The following TPD52L2 variants were observed in gnomAD, a reference collection of about 807,000 sequenced individuals.
The protein encoded by TPD52L2 is TPD52 like 2, also known as tumor protein D54.
A neutral mutation model predicts 24.7 loss-of-function variants in TPD52L2; 19 were observed. The ratio of observed to expected loss-of-function variants is 0.77; its 90% CI spans 0.54 to 1.13. The LOEUF is 1.13. TPD52L2 is among the 50% of genes most tolerant of loss of function. The pLI, the probability that TPD52L2 is intolerant of heterozygous loss-of-function variation, is 0.00. For synonymous variants in TPD52L2, 104 were observed against 100.2 expected (o/e 1.04, Z -0.23); for missense variants, 236 against 250.4 (o/e 0.94, Z 0.39).
At chr20:63,887,279 ACTTTT>A in intron 5 of TPD52L2, 1 of 558,454 alleles carries the variant, frequency 1.8e-6, no homozygotes, top group South Asian at 2.0e-5. Flanking sequence ...TGTACCAAAT[ACTTTT>A]CAAAAGCCCA....
intron 5 of TPD52L2, among the ~76,000 whole-genome samples, chr20:63,883,703 T>TA (rs1352993871): frequency 6.6e-6 from 1 of 151,972 alleles, no homozygotes; most frequent in Non-Finnish European, 1.5e-5. Context: ...CAAAGATGGG[T>TA]GCAGGCTTCC....
chr20:63,886,664 T>A (rs1335828371), intron 5 of TPD52L2, among the ~76,000 whole-genome samples: 1 of 149,200 alleles, frequency 6.7e-6, no homozygotes, highest in East Asian at 2.0e-4. Flanking sequence ...TTTCTTTTTT[T>A]TGTTGGAGTC....
chr20:63,877,647 C>G lies in TPD52L2; in HGVS notation c.374+1772C>G, dbSNP rs1282504224. On this transcript the variant is annotated intron_variant, in intron 4 of 6. Coordinates refer to ENST00000346249, the MANE Select transcript of TPD52L2 (RefSeq NM_003288.4). This position sits in a 1 kb window ranked among gnomAD's most constrained non-coding sequence, Gnocchi z 4.1. Reference sequence around the variant, plus strand: ...GAGACTTCAGTGCTGTTTTGTAAAACCAACTGACATAAAGCTGCCGGGATC... The same window carrying G: ...GAGACTTCAGTGCTGTTTTGTAAAAGCAACTGACATAAAGCTGCCGGGATC... Among the ~76,000 whole-genome samples, 4 of 152,254 alleles carry G rather than the reference C, an allele frequency of 2.6e-5. No individual in the cohort carries two copies. The highest frequency in any genetic ancestry group is 9.6e-5 in the African/African-American group (4 of 41,472).
At position 63,882,708 on chromosome 20, in the gene TPD52L2, G is replaced by A. The variant is rs1199805985; in HGVS notation, c.375-11G>A. 1 of 1,611,498 alleles carries A rather than the reference G, an allele frequency of 6.2e-7. No homozygotes were observed. The highest frequency in any genetic ancestry group is 1.3e-5 in the African/African-American group (1 of 74,866). On this transcript the variant is annotated splice_polypyrimidine_tract_variant and intron_variant, in intron 4 of 6. Transcript: ENST00000346249. The stretch of plus-strand genomic sequence containing the variant: ...ATGCTGTCTGGTTGATTTAACTGGT[G>A]TGTCTTCCAGCTACAAGAAGACTCA...
intron 3 of TPD52L2, among the ~76,000 whole-genome samples, chr20:63,875,150 A>ATATATAT (rs1360259821): frequency 4.2e-4 from 60 of 144,452 alleles, no homozygotes; most frequent in Non-Finnish European, 8.1e-4. Context: ...TCAAAAAAAA[A>ATATATAT]AAATATATAT....
chr20:63,871,478 T>A (rs963315616), intron 2 of TPD52L2, among the ~76,000 whole-genome samples: 1 of 150,964 alleles, frequency 6.6e-6, no homozygotes, highest in African/African-American at 2.4e-5. Flanking sequence ...GCCTCCCGAG[T>A]AGCTGGGATT....
chr20:63,886,023 C>G, intron 5 of TPD52L2: 1 of 1,614,192 alleles, frequency 6.2e-7, no homozygotes, highest in Non-Finnish European at 8.5e-7. Context: ...CAGGGCTCAT[C>G]CATTTTCACA....
intron 5 of TPD52L2, chr20:63,885,875 C>T (rs2053074165): frequency 1.2e-6 from 1 of 819,430 alleles, no homozygotes; most frequent in Admixed American, 1.8e-5. Flanking sequence ...GAGGAGCCGT[C>T]CTGGAGGGTC....
At chr20:63,865,745 C>A (rs2052195665) in intron 1 of TPD52L2, among the ~76,000 whole-genome samples, 2 of 140,400 alleles carry the variant, frequency 1.4e-5, no homozygotes, top group Non-Finnish European at 3.1e-5. Flanking sequence ...CTCTGCCACC[C>A]CCCGGTCCCT....
In TPD52L2 at chr20:63,887,307, T is replaced by G. The variant is rs1381737506; in HGVS notation, c.477-1883T>G. The G allele has an allele frequency of 2.3e-5, 14 of 604,292 alleles. No homozygotes were observed. The East Asian group carries it at 3.6e-4, about 16-fold the overall frequency. 37.4% of individuals were successfully genotyped at this position (604,292 alleles called of 1,614,324 possible). On this transcript the variant is annotated intron_variant, in intron 5 of 6. Transcript: ENST00000346249. The stretch of plus-strand genomic sequence containing the variant: ...TTTCAAAAGCCCAAGCCTGGTCTCC[T>G]CACAGCTTCCTATGGCAGTGCTCTC...
intron 3 of TPD52L2, among the ~76,000 whole-genome samples, chr20:63,874,090 C>T (rs535086286): frequency 2.0e-4 from 30 of 152,140 alleles, no homozygotes; most frequent in African/African-American, 5.5e-4. Context: ...CTCACTCTGT[C>T]GCCCAGGCTG....
chr20:63,868,330 C>CTAAA (rs1278539017), intron 1 of TPD52L2, among the ~76,000 whole-genome samples: 2 of 152,172 alleles, frequency 1.3e-5, no homozygotes, highest in African/African-American at 4.8e-5. Flanking sequence ...ATCTTGTAGA[C>CTAAA]TTTTAGGGTA....
chr20:63,866,407 A>G (rs1431457417), intron 1 of TPD52L2, among the ~76,000 whole-genome samples: 5 of 146,878 alleles, frequency 3.4e-5, no homozygotes, highest in African/African-American at 1.3e-4. Flanking sequence ...CCGGCTACAT[A>G]TTAAGCTTTA....
chr20:63,875,830 C>T lies in TPD52L2; in HGVS notation c.329C>T (p.Ser110Phe), dbSNP rs374272991. ...VQVSSAYVKT[S>F]EKLGEWNEKV... ...TCTGTTTTTAGCTATGTGAAAACTT[C>T]TGAGAAACTTGGAGAGTGGAATGAG... is the stretch of plus-strand genomic sequence containing the variant. Residue 110 changes from serine (S) to phenylalanine (F), a missense_variant, in exon 4 of 7, where the codon TCT becomes TTT. Ser to Phe is a radical substitution (Grantham distance 155). Coordinates refer to ENST00000346249, the MANE Select transcript of TPD52L2 (RefSeq NM_003288.4). 4 of 1,614,188 alleles carry T rather than the reference C, an allele frequency of 2.5e-6. No individual in the cohort carries two copies. Among genetic ancestry groups the T allele is most frequent in the East Asian group, 2.2e-5 (1 of 44,882 alleles).
In TPD52L2 at chr20:63,873,812, A is replaced by T. The variant is rs747679896; in HGVS notation, c.310A>T (p.Ser104Cys). Residue 104 changes from serine (S) to cysteine (C), a missense_variant, in exon 3 of 7, where the codon AGC becomes TGC. Ser to Cys is a moderately radical substitution (Grantham distance 112). Coordinates refer to ENST00000346249, the MANE Select transcript of TPD52L2 (RefSeq NM_003288.4). ...SRSWHDVQVSSAYVKTSEKLG... is the reference protein window; with the variant it reads ...SRSWHDVQVSCAYVKTSEKLG... ...GAGCTGGCATGACGTGCAGGTCTCT[A>T]GCGCGTAGGTACCTGCCCCAGGCGC... 6.5e-7 allele frequency: 1 copy of T among 1,546,776 alleles called. No homozygotes were observed. The highest frequency in any genetic ancestry group is 8.7e-7 in the Non-Finnish European group (1 of 1,151,244).
intron 4 of TPD52L2, chr20:63,876,762 C>T (rs1368259641): frequency 8.8e-6 from 4 of 455,762 alleles, no homozygotes; most frequent in South Asian, 4.6e-5. Context: ...TCTGGTGTCA[C>T]GGTGGGAGGC....
rs1420661775 is a variant in TPD52L2 at position 63,865,314 on chromosome 20, G to T, written c.-52G>T. ...TACGCGGCGAGCTTCTCCCGGCGCC[G>T]CCCGCTCGGCTCCCATAGCGCCCGC... On this transcript the variant is annotated 5_prime_UTR_variant, in exon 1 of 7. Coordinates refer to ENST00000346249, the MANE Select transcript of TPD52L2 (RefSeq NM_003288.4). 1.0e-5 allele frequency: 15 copies of T among 1,498,912 alleles called. 1 individual carries two copies. Among genetic ancestry groups the T allele is most frequent in the Middle Eastern group, 1.8e-4 (1 of 5,480 alleles). 92.9% of individuals were successfully genotyped at this position (1,498,912 alleles called of 1,614,324 possible). A position where few individuals can be genotyped will look rare whatever the true frequency, so the allele number is the denominator to read the frequency against.
chr20:63,867,738 C>T (rs1568935696), intron 1 of TPD52L2, among the ~76,000 whole-genome samples: 1 of 150,310 alleles, frequency 6.7e-6, no homozygotes, highest in African/African-American at 2.4e-5. Flanking sequence ...AATCTGGTGT[C>T]TTTGTGTTGT....
Position 63,889,253 on chromosome 20 carries a change from A to T in TPD52L2, c.525+15A>T. 6.2e-7 allele frequency: 1 copy of T among 1,610,316 alleles called. No individual in the cohort carries two copies. The highest frequency in any genetic ancestry group is 8.5e-7 in the Non-Finnish European group (1 of 1,177,538). Reference sequence around the variant, plus strand: ...GGACCATAAAGGTAATTGTACCTGGACTGTTTGATGGTCTTGGCAAGGTGT... The same window carrying T: ...GGACCATAAAGGTAATTGTACCTGGTCTGTTTGATGGTCTTGGCAAGGTGT... On this transcript the variant is annotated intron_variant, in intron 6 of 6. Transcript: ENST00000346249.
Sources: gnomAD v4.1 joint callset for allele counts (sites outside exome capture counted in the v4.1 genomes callset) on GRCh38, gnomAD v4.1.1 for gene constraint, Gnocchi (gnomAD v3.1) non-coding constraint, MANE v1.5 for transcripts, NCBI Gene and HGNC (gene_info 2026-07-23, HGNC 2026-07-21) for gene names.